The following ENPP2 variants were observed in gnomAD, a reference collection of about 807,000 sequenced individuals.
ENPP2 encodes autotaxin.
In ENPP2, 51 loss-of-function variants were observed where a neutral mutation model predicts 120.2. That is an observed-to-expected ratio of 0.42 (90% CI 0.34 to 0.54). The LOEUF (loss-of-function observed/expected upper bound fraction) is 0.54, where lower values mean the gene tolerates loss of function less well. Among genes scored for constraint, ENPP2 ranks in the 20% least tolerant of loss-of-function variants. ENPP2 has a pLI of 0.04. For missense variants in ENPP2, 920 were observed against 1,066.5 expected (o/e 0.86, Z 1.91); for synonymous variants, 365 against 366.4 (o/e 1.00, Z 0.04).
chr8:119,585,096 C>T (rs565730745), intron 15 of ENPP2, among the ~76,000 whole-genome samples: 4 of 152,264 alleles, frequency 2.6e-5, no homozygotes, highest in South Asian at 2.1e-4. Context: ...CTACTACCTG[C>T]GCCAGTGTGA....
chr8:119,580,191 G>C (rs1367328732), intron 18 of ENPP2, 24 bp from the exon 19 acceptor site: 2 of 1,598,962 alleles, frequency 1.3e-6, no homozygotes, highest in East Asian at 4.5e-5. Context: ...AACCAGTAAA[G>C]GAAAAAAGAA....
chr8:119,630,280 G>A (rs557601247), intron 2 of ENPP2, among the ~76,000 whole-genome samples: 43 of 151,968 alleles, frequency 2.8e-4, no homozygotes, highest in African/African-American at 5.8e-4. Context: ...AGCAATTTTC[G>A]TATTTTTAGT....
chr8:119,596,790 A>G (rs565158796), intron 11 of ENPP2, among the ~76,000 whole-genome samples: 1 of 152,190 alleles, frequency 6.6e-6, no homozygotes. Context: ...TGCTCTTGCT[A>G]TCAGAAACCT....
intron 24 of ENPP2, 44 bp from the exon 25 acceptor site, chr8:119,557,735 G>A (rs1355138014): frequency 6.7e-7 from 1 of 1,498,872 alleles, no homozygotes; most frequent in Admixed American, 2.3e-5. Context: ...ATTTTCCAGA[G>A]GAGTTTCTCC....
intron 1 of ENPP2, among the ~76,000 whole-genome samples, chr8:119,644,994 A>G (rs758226429): frequency 2.0e-5 from 3 of 152,112 alleles, no homozygotes; most frequent in Non-Finnish European, 2.9e-5. Context: ...CAAATGAGTG[A>G]CAGGATAATT....
intron 8 of ENPP2, among the ~76,000 whole-genome samples, chr8:119,613,677 T>C (rs1815262820): frequency 6.6e-6 from 1 of 152,188 alleles, no homozygotes; most frequent in African/African-American, 2.4e-5. Context: ...AATTTTTTCT[T>C]ATAGTACTTT....
intron 1 of ENPP2, among the ~76,000 whole-genome samples, chr8:119,646,822 C>T (rs2130864175): frequency 6.6e-6 from 1 of 152,252 alleles, no homozygotes; most frequent in South Asian, 2.1e-4. Context: ...CATTCCTTAA[C>T]ATACATTGTT....
intron 9 of ENPP2, among the ~76,000 whole-genome samples, chr8:119,601,888 T>C (rs548492799): frequency 9.9e-5 from 15 of 152,238 alleles, no homozygotes; most frequent in Non-Finnish European, 1.8e-4. Context: ...CTCAGTTTAC[T>C]CATCGGTAAG....
chr8:119,653,037 A>G (rs963553341), intron 1 of ENPP2, among the ~76,000 whole-genome samples: 2 of 152,144 alleles, frequency 1.3e-5, no homozygotes, highest in Admixed American at 1.3e-4. Context: ...ACTTCATTTT[A>G]TCCTAGGCTT....
At chr8:119,609,502 G>T (rs1814945547) in intron 8 of ENPP2, among the ~76,000 whole-genome samples, 1 of 152,122 alleles carries the variant, frequency 6.6e-6, no homozygotes, top group African/African-American at 2.4e-5. Flanking sequence ...ACTCCATTTA[G>T]TCCAAAGCTC....
intron 8 of ENPP2, among the ~76,000 whole-genome samples, chr8:119,609,920 C>A (rs142556547): frequency 6.6e-6 from 1 of 152,002 alleles, no homozygotes; most frequent in Non-Finnish European, 1.5e-5. Context: ...AAAAAGTATA[C>A]GGTAGAATAC....
intron 2 of ENPP2, among the ~76,000 whole-genome samples, chr8:119,629,439 T>C (rs568877524): frequency 1.3e-5 from 2 of 152,344 alleles, no homozygotes; most frequent in Admixed American, 1.3e-4. Context: ...AGATGTTAAA[T>C]GTCACTTCTA....
chr8:119,583,396 G>A (rs1812884959), intron 17 of ENPP2, among the ~76,000 whole-genome samples: 1 of 152,232 alleles, frequency 6.6e-6, no homozygotes, highest in Non-Finnish European at 1.5e-5. Context: ...AGATGGAGGT[G>A]GAGGGGACTC....
At chr8:119,619,542 C>T (rs536749367) in intron 4 of ENPP2, among the ~76,000 whole-genome samples, 13 of 151,792 alleles carry the variant, frequency 8.6e-5, no homozygotes, top group Admixed American at 3.3e-4. Flanking sequence ...TTGAGCCTTC[C>T]GAGTCTAAAT....
At chr8:119,653,770 T>G (rs2130880004) in intron 1 of ENPP2, among the ~76,000 whole-genome samples, 1 of 152,212 alleles carries the variant, frequency 6.6e-6, no homozygotes, top group Middle Eastern at 3.4e-3. Flanking sequence ...GTCTCACTCT[T>G]ACTGCTGTTC....
intron 1 of ENPP2, among the ~76,000 whole-genome samples, chr8:119,661,717 T>G (rs1817925896): frequency 1.3e-5 from 2 of 152,186 alleles, no homozygotes; most frequent in Admixed American, 1.3e-4. Context: ...ATATCTGCAC[T>G]CCTATGTTTA....
At chr8:119,568,299 T>C (rs1814646720) in intron 21 of ENPP2, 47 bp from the exon 22 acceptor site, 5 of 969,352 alleles carry the variant, frequency 5.2e-6, no homozygotes, top group African/African-American at 2.8e-5. Flanking sequence ...CCAAAATCTA[T>C]ATCAGTTAAA....
chr8:119,573,499 T>C lies in ENPP2; in HGVS notation c.1781-2658A>G, dbSNP rs917675939. ...TACTCACTCTACTGCTCTACATATA[T>C]AGATTCAACTTGCTTCAGAAATTTG... On this transcript the variant is annotated intron_variant, in intron 19 of 24. Coordinates refer to ENST00000075322, the MANE Select transcript of ENPP2 (RefSeq NM_001040092.3). 5.1e-5 allele frequency among the ~76,000 whole-genome samples: 6 copies of C among 118,606 alleles called. No individual in the cohort carries two copies. The South Asian group carries it at 1.5e-3, about 31-fold the overall frequency. 77.8% of individuals were successfully genotyped at this position (118,606 alleles called of 152,430 possible).
chr8:119,655,407 A>G (rs1817741504), intron 1 of ENPP2, among the ~76,000 whole-genome samples: 1 of 152,214 alleles, frequency 6.6e-6, no homozygotes, highest in African/African-American at 2.4e-5. Context: ...TGCTCTTATG[A>G]GAGATGCTAT....
Sources: allele counts gnomAD v4.1 joint callset (sites outside exome capture counted in the v4.1 genomes callset), GRCh38; gene constraint gnomAD v4.1.1; transcripts MANE v1.5; gene names NCBI Gene and HGNC (gene_info 2026-07-23, HGNC 2026-07-21).